Variants in ATRNL1 observed in about 807,000 individuals in gnomAD.
The protein encoded by ATRNL1 is attractin like 1.
Under a neutral mutation model 182.7 loss-of-function variants are expected in ATRNL1, and 95 were observed. The observed-to-expected ratio is 0.52, with a 90% CI of 0.44 to 0.62. ATRNL1 has a LOEUF of 0.62. Ranked by LOEUF, ATRNL1 falls within the 20% of genes least tolerant of loss-of-function variation. The probability of loss-of-function intolerance (pLI) is 0.00; values close to 1 mark genes in which losing one functional copy is unlikely to be tolerated. For synonymous variants in ATRNL1, 576 were observed against 568.3 expected (o/e 1.01, Z -0.19); for missense variants, 1,471 against 1,679.5 (o/e 0.88, Z 2.17).
intron 17 of ATRNL1, among the ~76,000 whole-genome samples, chr10:115,313,096 T>G (rs782380389): frequency 6.6e-6 from 1 of 152,084 alleles, no homozygotes; most frequent in Non-Finnish European, 1.5e-5. Flanking sequence ...TTGAGTAACA[T>G]AGTAGTCAAC....
chr10:115,296,167 T>C (rs1363238866), intron 15 of ATRNL1, among the ~76,000 whole-genome samples: 1 of 152,152 alleles, frequency 6.6e-6, no homozygotes, highest in African/African-American at 2.4e-5. Context: ...TCCTTACCTA[T>C]TCCCTATAAC....
chr10:115,625,430 T>G (rs1319960259), intron 26 of ATRNL1, among the ~76,000 whole-genome samples: 1 of 152,216 alleles, frequency 6.6e-6, no homozygotes, highest in Admixed American at 6.5e-5. Flanking sequence ...TATTAATTTC[T>G]TGGCATAGTT....
intron 8 of ATRNL1, among the ~76,000 whole-genome samples, chr10:115,186,908 T>A (rs1554888852): frequency 6.6e-6 from 1 of 152,058 alleles, no homozygotes; most frequent in African/African-American, 2.4e-5. Flanking sequence ...TTTCAAAATA[T>A]CTCATGTAAC....
chr10:115,104,371 A>G (rs1411457700), intron 1 of ATRNL1, among the ~76,000 whole-genome samples: 1 of 152,024 alleles, frequency 6.6e-6, no homozygotes, highest in Non-Finnish European at 1.5e-5. Context: ...GATCTTTTGC[A>G]TATTTTTGAA....
intron 27 of ATRNL1, among the ~76,000 whole-genome samples, chr10:115,833,147 G>A (rs1950596077): frequency 6.6e-6 from 1 of 152,094 alleles, no homozygotes. Flanking sequence ...TCATAACATA[G>A]CTGCCATTCA....
chr10:115,483,437 TATTTA>T (rs1451365741), intron 24 of ATRNL1, among the ~76,000 whole-genome samples: 8 of 151,554 alleles, frequency 5.3e-5, no homozygotes, highest in African/African-American at 1.7e-4. Context: ...GCTTATATTT[TATTTA>T]ATTCTTTCAT....
chr10:115,810,193 T>C (rs1216897023), intron 27 of ATRNL1, among the ~76,000 whole-genome samples: 2 of 151,990 alleles, frequency 1.3e-5, no homozygotes, highest in Non-Finnish European at 2.9e-5. Flanking sequence ...ATTTGCCAAT[T>C]TGTAAAAGGA....
At chr10:115,545,234 CAAAAAAAAAAA>C (rs71010026) in intron 25 of ATRNL1, among the ~76,000 whole-genome samples, 2 of 94,860 alleles carry the variant, frequency 2.1e-5, no homozygotes, top group East Asian at 4.1e-4. Flanking sequence ...GACTCCGTAT[CAAAAAAAAAAA>C]AAAAAAAAAA....
chr10:115,130,128 T>C (rs1845165300), intron 5 of ATRNL1, among the ~76,000 whole-genome samples: 1 of 152,146 alleles, frequency 6.6e-6, no homozygotes, highest in African/African-American at 2.4e-5. Context: ...TTGGCTTATT[T>C]ATCTGTATAT....
At chr10:115,345,451 C>A (rs1855934192) in intron 19 of ATRNL1, among the ~76,000 whole-genome samples, 1 of 152,154 alleles carries the variant, frequency 6.6e-6, no homozygotes, top group South Asian at 2.1e-4. Flanking sequence ...ATACTTTCCT[C>A]CCCGTATACT....
chr10:115,662,598 T>A (rs1555038358), intron 26 of ATRNL1, among the ~76,000 whole-genome samples: 1 of 152,222 alleles, frequency 6.6e-6, no homozygotes, highest in Non-Finnish European at 1.5e-5. Context: ...TATTTTATCT[T>A]TTGAGAATTT....
intron 28 of ATRNL1, among the ~76,000 whole-genome samples, chr10:115,925,144 G>A (rs1415586832): frequency 6.6e-6 from 1 of 151,978 alleles, no homozygotes; most frequent in East Asian, 1.9e-4. Flanking sequence ...AAGACGTTTT[G>A]GGGCTGAGAT....
chr10:115,255,509 G>T (rs1157749509), intron 10 of ATRNL1, among the ~76,000 whole-genome samples: 2 of 152,212 alleles, frequency 1.3e-5, no homozygotes, highest in Non-Finnish European at 2.9e-5. Context: ...CTTTGCTAAA[G>T]TTGTTTATCA....
chr10:115,347,592 A>G (rs1236008935), intron 19 of ATRNL1, among the ~76,000 whole-genome samples: 1 of 152,144 alleles, frequency 6.6e-6, no homozygotes, highest in Non-Finnish European at 1.5e-5. Flanking sequence ...AAAGTAGGAA[A>G]TAAATTTATA....
At chr10:115,666,700 A>G (rs1338291965) in intron 26 of ATRNL1, among the ~76,000 whole-genome samples, 1 of 152,120 alleles carries the variant, frequency 6.6e-6, no homozygotes, top group African/African-American at 2.4e-5. Context: ...CCCCAGTCAT[A>G]CCAGCATCAT....
At chr10:115,245,890 A>G (rs1850616373) in intron 10 of ATRNL1, among the ~76,000 whole-genome samples, 1 of 152,176 alleles carries the variant, frequency 6.6e-6, no homozygotes, top group Admixed American at 6.5e-5. Flanking sequence ...TAGATCAGGA[A>G]AATCCTTAGA....
intron 26 of ATRNL1, among the ~76,000 whole-genome samples, chr10:115,597,328 T>G (rs1210277800): frequency 6.6e-6 from 1 of 152,140 alleles, no homozygotes; most frequent in Non-Finnish European, 1.5e-5. Context: ...ATTATTGTTT[T>G]ATGAAAGGTT....
chr10:115,253,114 G>T (rs1850952221), intron 10 of ATRNL1, among the ~76,000 whole-genome samples: 1 of 152,202 alleles, frequency 6.6e-6, no homozygotes, highest in Admixed American at 6.6e-5. Flanking sequence ...CTGAGGTAGA[G>T]TTTAGTATTC....
intron 6 of ATRNL1, among the ~76,000 whole-genome samples, chr10:115,161,726 A>G (rs1247722431): frequency 6.6e-6 from 1 of 152,112 alleles, no homozygotes; most frequent in Admixed American, 6.6e-5. Context: ...TATTTTGGTT[A>G]CAGTGTTTAT....
Sources: allele counts gnomAD v4.1 joint callset (sites outside exome capture counted in the v4.1 genomes callset), GRCh38; gene constraint gnomAD v4.1.1; transcripts MANE v1.5; gene names NCBI Gene and HGNC (gene_info 2026-07-23, HGNC 2026-07-21).